LIPA: variants seen among roughly 807,000 people sequenced by gnomAD.
The protein encoded by LIPA is lysosomal acid lipase/cholesteryl ester hydrolase.
LIPA carries 26 observed loss-of-function variants against 40.6 expected under a neutral mutation model. The observed-to-expected ratio is 0.64, with a 90% confidence interval of 0.47 to 0.89. LIPA has a LOEUF of 0.89. Among genes scored for constraint, LIPA ranks in the 40% least tolerant of loss-of-function variants. LIPA has a pLI of 0.00. For synonymous variants in LIPA, 188 were observed against 168.4 expected, an observed-to-expected ratio of 1.12 and a Z score of -0.90; for missense variants, 455 against 479.6, an observed-to-expected ratio of 0.95 and a Z score of 0.48.
intron 7 of LIPA, 50 bp downstream of exon 7, chr10:89,223,634 C>G (rs768065293): frequency 1.4e-6 from 2 of 1,413,264 alleles, no homozygotes; most frequent in South Asian, 2.3e-5. Flanking sequence ...CACAAATAAG[C>G]ACATTCACAG....
At chr10:89,386,884 T>C (rs1844213386) in intron 2 of LIPA, among the ~76,000 whole-genome samples, 1 of 152,144 alleles carries the variant, frequency 6.6e-6, no homozygotes, top group Non-Finnish European at 1.5e-5. Flanking sequence ...CTCCAGGTAC[T>C]GGAACCAAAA....
intron 1 of LIPA, among the ~76,000 whole-genome samples, chr10:89,294,403 C>T (rs934235511): frequency 6.6e-6 from 1 of 152,158 alleles, no homozygotes; most frequent in Non-Finnish European, 1.5e-5. Context: ...CTGGCCAGGG[C>T]CCTCTTACTG....
chr10:89,264,636 G>T (rs1207561924), intron 1 of LIPA, among the ~76,000 whole-genome samples: 1 of 152,232 alleles, frequency 6.6e-6, no homozygotes, highest in Non-Finnish European at 1.5e-5. Context: ...CTATCCGTAG[G>T]CAGGTCATCC....
chr10:89,262,136 T>C lies in LIPA; in HGVS notation c.-1-14487A>G, dbSNP rs77772870. Reference sequence around the variant, plus strand: ...AAGATTTTTATTGTTACCTGACTAGTGCTGAGGACTTGTAAACTCCTGGTA... The same window carrying C: ...AAGATTTTTATTGTTACCTGACTAGCGCTGAGGACTTGTAAACTCCTGGTA... On this transcript the variant is annotated intron_variant, in intron 1 of 5. Transcript: ENST00000282673. Among the ~76,000 whole-genome samples the C allele has an allele frequency of 9.7e-3, 1,476 of 152,238 alleles. 23 individuals carry two copies. The highest frequency in any genetic ancestry group is 0.034 in the African/African-American group (1,409 of 41,538).
intron 2 of LIPA, among the ~76,000 whole-genome samples, chr10:89,396,188 C>T (rs1229766151): frequency 6.6e-6 from 1 of 152,202 alleles, no homozygotes; most frequent in African/African-American, 2.4e-5. Context: ...TTGTTTTCCA[C>T]AGCAGCTGCA....
At chr10:89,378,226 C>T (rs960633339) in intron 2 of LIPA, 3 of 1,378,012 alleles carry the variant, frequency 2.2e-6, no homozygotes, top group South Asian at 1.2e-5. Context: ...TTTTGACAGG[C>T]CTTCTCCTAA....
At chr10:89,229,783 A>C (rs1400053100) in intron 3 of LIPA, among the ~76,000 whole-genome samples, 2 of 151,110 alleles carry the variant, frequency 1.3e-5, no homozygotes, top group Non-Finnish European at 2.9e-5. Flanking sequence ...ACCCTAATGT[A>C]AACTACGGAC....
At chr10:89,392,741 C>A in intron 2 of LIPA, 1 of 1,612,480 alleles carries the variant, frequency 6.2e-7, no homozygotes, top group Non-Finnish European at 8.5e-7. Context: ...TGCTCCTCTG[C>A]CATAATGTCT....
chr10:89,287,293 C>T (rs1242017674), intron 1 of LIPA, among the ~76,000 whole-genome samples: 12 of 152,200 alleles, frequency 7.9e-5, no homozygotes, highest in Non-Finnish European at 1.2e-4. Flanking sequence ...TCTGCATTAC[C>T]TTCTTTTCAA....
At chr10:89,328,904 A>G (rs1843623989) in intron 1 of LIPA, among the ~76,000 whole-genome samples, 1 of 152,200 alleles carries the variant, frequency 6.6e-6, no homozygotes, top group East Asian at 1.9e-4. Flanking sequence ...GGAATAGTCT[A>G]TAGGGAGGTA....
At chr10:89,317,329 C>T (rs953508152) in intron 1 of LIPA, among the ~76,000 whole-genome samples, 5 of 152,046 alleles carry the variant, frequency 3.3e-5, no homozygotes, top group African/African-American at 4.8e-5. Flanking sequence ...AAAAAAGATT[C>T]GACGAATGGC....
intron 3 of LIPA, among the ~76,000 whole-genome samples, chr10:89,245,358 T>A (rs969589964): frequency 2.0e-5 from 3 of 152,148 alleles, no homozygotes; most frequent in African/African-American, 7.2e-5. Flanking sequence ...TTCAAAAAAA[T>A]TAAATAATTT....
intron 2 of LIPA, chr10:89,384,459 C>T (rs777715430): frequency 4.1e-5 from 66 of 1,614,050 alleles, no homozygotes; most frequent in Non-Finnish European, 4.6e-5. Flanking sequence ...AGATTCATTA[C>T]CACTACGGCC....
In LIPA at chr10:89,213,767, A is replaced by G. The variant is rs1842582057; in HGVS notation, c.*1061T>C. 6.6e-6 allele frequency: 1 copy of G among 152,236 alleles called. No individual in the cohort carries two copies. The highest frequency in any genetic ancestry group is 2.1e-4 in the South Asian group (1 of 4,834). The allele number at this position is 152,236 out of a possible 1,614,324, so 9.4% of individuals were successfully genotyped here. ...ATTGTAAGGAAATGATGCTGCAAGAAAAGCAGACAAATATGGACTTCCCAA... is the reference window on the plus strand; with the variant it reads ...ATTGTAAGGAAATGATGCTGCAAGAGAAGCAGACAAATATGGACTTCCCAA... On this transcript the variant is annotated 3_prime_UTR_variant, in exon 10 of 10. Coordinates refer to ENST00000336233, the MANE Select transcript of LIPA (RefSeq NM_000235.4).
chr10:89,347,177 A>G (rs1452926561), upstream of LIPA, among the ~76,000 whole-genome samples: 3 of 152,218 alleles, frequency 2.0e-5, no homozygotes, highest in Non-Finnish European at 2.9e-5. Context: ...GCCAAGTCCA[A>G]AGAAAATCAG....
intron 2 of LIPA, chr10:89,363,028 A>G (rs2133593029): frequency 4.1e-6 from 1 of 242,344 alleles, no homozygotes; most frequent in Non-Finnish European, 8.6e-6. Flanking sequence ...CACACTGAAA[A>G]AGCTCTAATC....
At chr10:89,389,102 C>A (rs1844228302) in intron 2 of LIPA, among the ~76,000 whole-genome samples, 1 of 152,110 alleles carries the variant, frequency 6.6e-6, no homozygotes, top group Non-Finnish European at 1.5e-5. Context: ...CTAAAAATAT[C>A]TTTGTGATTG....
At chr10:89,370,424 A>AG (rs1753565022) in intron 2 of LIPA, among the ~76,000 whole-genome samples, 2 of 151,796 alleles carry the variant, frequency 1.3e-5, no homozygotes, top group African/African-American at 4.8e-5. Flanking sequence ...TTGTAGAGAC[A>AG]GGGTCTCTCC....
intron 5 of LIPA, among the ~76,000 whole-genome samples, chr10:89,226,450 T>G (rs992890933): frequency 3.3e-5 from 5 of 152,266 alleles, no homozygotes; most frequent in Non-Finnish European, 7.3e-5. Flanking sequence ...CTTCTGTTTT[T>G]CTACAGTGAA....
Sources: allele counts gnomAD v4.1 joint callset (sites outside exome capture counted in the v4.1 genomes callset), GRCh38; gene constraint gnomAD v4.1.1; transcripts MANE v1.5; gene names NCBI Gene and HGNC (gene_info 2026-07-23, HGNC 2026-07-21).